Variants in CFAP299 observed in about 807,000 individuals in gnomAD.
CFAP299 encodes cilia- and flagella-associated protein 299.
Under a neutral mutation model 27.0 loss-of-function variants are expected in CFAP299, and 21 were observed. The ratio of observed to expected loss-of-function variants is 0.78; its 90% CI spans 0.55 to 1.12. The LOEUF is 1.12. Ranked by LOEUF, CFAP299 falls within the 50% of genes most tolerant of loss-of-function variation. The pLI is 0.00. For synonymous variants in CFAP299, 104 were observed against 98.1 expected, an observed-to-expected ratio of 1.06 and a Z score of -0.36; for missense variants, 310 against 276.6, an observed-to-expected ratio of 1.12 and a Z score of -0.86.
At chr4:80,483,698 GT>G (rs1174552178) in intron 2 of CFAP299, among the ~76,000 whole-genome samples, 2 of 152,046 alleles carry the variant, frequency 1.3e-5, no homozygotes, top group African/African-American at 4.8e-5. Flanking sequence ...TAAAAGTAAT[GT>G]TCTTACAACT....
chr4:80,469,232 T>A lies in CFAP299; in HGVS notation c.242+106348T>A, dbSNP rs532589805. 5.9e-5 allele frequency among the ~76,000 whole-genome samples: 9 copies of A among 152,338 alleles called. No individual in the cohort carries two copies. The South Asian group carries it at 6.2e-4, about 11-fold the overall frequency. On this transcript the variant is annotated intron_variant, in intron 2 of 5. Coordinates refer to ENST00000358105, the MANE Select transcript of CFAP299 (RefSeq NM_152770.3). ...GATCCCTGTGATATGTTTTCAGAGG[T>A]CTTCCAGGTGACTCTGATGTCTGCT...
intron 5 of CFAP299, among the ~76,000 whole-genome samples, chr4:80,954,681 G>A (rs747224806): frequency 2.6e-5 from 4 of 151,834 alleles, no homozygotes; most frequent in Non-Finnish European, 5.9e-5. Context: ...CTTAATATGC[G>A]GGGGGGACAA....
intron 4 of CFAP299, among the ~76,000 whole-genome samples, chr4:80,934,641 G>C (rs1279617210): frequency 1.3e-5 from 2 of 151,852 alleles, no homozygotes; most frequent in Non-Finnish European, 2.9e-5. Context: ...ATGGTTCCAG[G>C]AATGTATCCA....
intron 4 of CFAP299, among the ~76,000 whole-genome samples, chr4:80,875,263 T>A (rs1220502546): frequency 6.6e-6 from 1 of 152,188 alleles, no homozygotes; most frequent in Non-Finnish European, 1.5e-5. Flanking sequence ...CCTGCAGAAT[T>A]GTTTATTTGG....
chr4:80,670,396 C>A (rs1741408156), intron 3 of CFAP299, among the ~76,000 whole-genome samples: 1 of 152,154 alleles, frequency 6.6e-6, no homozygotes, highest in South Asian at 2.1e-4. Flanking sequence ...CATTGATGGA[C>A]ATTTGGGTTG....
chr4:80,324,966 T>C, the CFAP299 span, among the ~76,000 whole-genome samples: 22 of 152,150 alleles, frequency 1.4e-4, no homozygotes, highest in East Asian at 4.3e-3. Flanking sequence ...CTACTAAAAA[T>C]ACAAAAATTA....
intron 1 of CFAP299, among the ~76,000 whole-genome samples, chr4:80,340,209 G>C (rs1422043774): frequency 6.6e-6 from 1 of 152,154 alleles, no homozygotes; most frequent in African/African-American, 2.4e-5. Context: ...CAGAGCCAAA[G>C]GATCCCTCAT....
chr4:80,579,491 C>T (rs1451374962), intron 2 of CFAP299, among the ~76,000 whole-genome samples: 1 of 152,056 alleles, frequency 6.6e-6, no homozygotes, highest in East Asian at 1.9e-4. Context: ...AATTCTATTG[C>T]CTATTACCTT....
chr4:80,417,702 A>T (rs1293141150), intron 2 of CFAP299, among the ~76,000 whole-genome samples: 2 of 152,102 alleles, frequency 1.3e-5, no homozygotes, highest in Non-Finnish European at 2.9e-5. Context: ...ATGCATTGTG[A>T]TTTGGGTAGG....
At chr4:80,818,297 A>G (rs1342975813) in intron 3 of CFAP299, among the ~76,000 whole-genome samples, 1 of 152,058 alleles carries the variant, frequency 6.6e-6, no homozygotes, top group Non-Finnish European at 1.5e-5. Context: ...CTTTATTTCA[A>G]TTTTAGAAAG....
intron 2 of CFAP299, among the ~76,000 whole-genome samples, chr4:80,504,962 TC>T (rs1235546223): frequency 1.3e-5 from 2 of 148,522 alleles, no homozygotes; most frequent in African/African-American, 4.9e-5. Flanking sequence ...TATATGTTCA[TC>T]CCCCATTTTA....
chr4:80,846,665 G>A (rs1010730985), intron 3 of CFAP299, among the ~76,000 whole-genome samples: 1 of 152,178 alleles, frequency 6.6e-6, no homozygotes, highest in South Asian at 2.1e-4. Context: ...TACTGAGGAA[G>A]TGGTTTTAAC....
intron 2 of CFAP299, among the ~76,000 whole-genome samples, chr4:80,553,702 T>G (rs1005675922): frequency 6.6e-6 from 1 of 152,214 alleles, no homozygotes; most frequent in Non-Finnish European, 1.5e-5. Flanking sequence ...TTTTGACTGG[T>G]GTAAGATGGT....
intron 3 of CFAP299, among the ~76,000 whole-genome samples, chr4:80,722,365 C>T (rs1722873804): frequency 6.7e-6 from 1 of 150,138 alleles, no homozygotes. Flanking sequence ...TGCAGTGAGC[C>T]GAGATCGTGC....
At chr4:80,754,027 A>G (rs1290722384) in intron 3 of CFAP299, among the ~76,000 whole-genome samples, 5 of 152,112 alleles carry the variant, frequency 3.3e-5, no homozygotes, top group Non-Finnish European at 7.4e-5. Flanking sequence ...TCTCCAGTCC[A>G]TGAGTTTTTT....
At chr4:80,553,552 T>C (rs952975425) in intron 2 of CFAP299, among the ~76,000 whole-genome samples, 4 of 152,224 alleles carry the variant, frequency 2.6e-5, no homozygotes, top group African/African-American at 9.6e-5. Flanking sequence ...TGAATGGTAG[T>C]TCTGCTTTCA....
rs1553953972 is a variant in CFAP299 at position 80,730,248 on chromosome 4, C to CTCTG, written c.334-139744_334-139743insCTGT. 3.2e-3 allele frequency among the ~76,000 whole-genome samples: 418 copies of CTCTG among 130,854 alleles called. 4 individuals are homozygous for CTCTG. Among genetic ancestry groups the CTCTG allele is most frequent in the Non-Finnish European group, 4.1e-3 (258 of 62,308 alleles). The allele number at this position is 130,854 out of a possible 152,430, so 85.8% of individuals were successfully genotyped here. On this transcript the variant is annotated intron_variant, in intron 3 of 5. Transcript: ENST00000358105. ...TCTCTTTCTCTCTCTCTCTCTCTCT[C>CTCTG]TGTGTGTGTGTGTGTGTGTGTGTGT... is the stretch of plus-strand genomic sequence containing the variant.
chr4:80,935,224 A>G (rs1736829336), intron 4 of CFAP299, among the ~76,000 whole-genome samples: 1 of 152,054 alleles, frequency 6.6e-6, no homozygotes, highest in African/African-American at 2.4e-5. Flanking sequence ...TCATTGTGTC[A>G]GAAACTGTAC....
chr4:80,945,009 A>G (rs1175700020), intron 5 of CFAP299, 70 bp downstream of exon 5: 2 of 1,433,218 alleles, frequency 1.4e-6, no homozygotes, highest in African/African-American at 1.4e-5. Flanking sequence ...TATTCAAAAA[A>G]TCTGTTAAAT....
Sources: allele counts gnomAD v4.1 joint callset (sites outside exome capture counted in the v4.1 genomes callset), GRCh38; gene constraint gnomAD v4.1.1; transcripts MANE v1.5; gene names NCBI Gene and HGNC (gene_info 2026-07-23, HGNC 2026-07-21).